NCAPG: variants seen among roughly 807,000 people sequenced by gnomAD.
The protein encoded by NCAPG is condensin complex subunit 3.
In NCAPG, 69 loss-of-function variants were observed where a neutral mutation model predicts 113.1. The ratio of observed to expected loss-of-function variants is 0.61; its 90% CI spans 0.50 to 0.75. NCAPG has a LOEUF of 0.75. Ranked by LOEUF, NCAPG falls within the 30% of genes least tolerant of loss-of-function variation. The pLI is 0.00. For missense variants in NCAPG, 1,058 were observed against 1,177.0 expected (o/e 0.90, Z 1.48); for synonymous variants, 370 against 415.8 (o/e 0.89, Z 1.34).
At chr4:17,829,587 G>A (rs1236820820) in intron 12 of NCAPG, among the ~76,000 whole-genome samples, 1 of 152,132 alleles carries the variant, frequency 6.6e-6, no homozygotes, top group Non-Finnish European at 1.5e-5. Flanking sequence ...ACACAAAATT[G>A]AATGATCATA....
intron 9 of NCAPG, among the ~76,000 whole-genome samples, chr4:17,824,294 TA>T (rs1177598828): frequency 1.3e-4 from 20 of 152,184 alleles, no homozygotes; most frequent in Admixed American, 1.2e-3. Context: ...ATTTCAGTGT[TA>T]TTTTTTTCTG....
At position 17,811,178 on chromosome 4, in the gene NCAPG, C is replaced by A; in HGVS notation, c.101C>A (p.Thr34Asn). The change falls in exon 1 of 21, where the codon ACC (threonine) becomes AAC (asparagine). Residue 34 changes from threonine (T) to asparagine (N), a missense_variant. Coordinates refer to ENST00000251496, the MANE Select transcript of NCAPG (RefSeq NM_022346.5). This position sits in a 1 kb window ranked among gnomAD's most constrained non-coding sequence, Gnocchi z 5.3. ...QAKLVVALSR[T>N]YRTMDDKTVF... ...AAGCTGGTGGTGGCGCTGAGCCGCACCTACCGCACGGTAAGCGCTCCCGGC... is the reference window on the plus strand; with the variant it reads ...AAGCTGGTGGTGGCGCTGAGCCGCAACTACCGCACGGTAAGCGCTCCCGGC... 2 of 1,487,986 alleles carry A rather than the reference C, an allele frequency of 1.3e-6. No individual in the cohort carries two copies. Among genetic ancestry groups the A allele is most frequent in the Non-Finnish European group, 1.8e-6 (2 of 1,114,278 alleles). The allele number at this position is 1,487,986 out of a possible 1,614,324, so 92.2% of individuals were successfully genotyped here.
chr4:17,816,361 G>A (rs1721211324), intron 5 of NCAPG, among the ~76,000 whole-genome samples: 1 of 152,166 alleles, frequency 6.6e-6, no homozygotes, highest in African/African-American at 2.4e-5. Flanking sequence ...CTCCTCCTGT[G>A]CGGCCCGGTT....
intron 7 of NCAPG, among the ~76,000 whole-genome samples, 171 bp from the exon 8 acceptor site, chr4:17,822,812 A>G (rs1344641040): frequency 6.6e-6 from 1 of 152,208 alleles, no homozygotes; most frequent in African/African-American, 2.4e-5. Flanking sequence ...TTTGTTTGCA[A>G]AAGTTAATGA....
intron 5 of NCAPG, among the ~76,000 whole-genome samples, chr4:17,816,444 A>G (rs186773542): frequency 1.3e-4 from 20 of 152,250 alleles, no homozygotes; most frequent in Non-Finnish European, 2.2e-4. Context: ...GCTTATAGGA[A>G]TGATATTTTT....
Position 17,813,086 on chromosome 4 carries a change from C to T in NCAPG, c.485C>T (p.Ala162Val), listed in dbSNP as rs376461891. Residue 162 changes from alanine (A) to valine (V), a missense_variant, in exon 3 of 21, where the codon GCA (alanine) becomes GTA (valine). Transcript: ENST00000251496. ...KDKIPNVRIQ[A>V]VLALSRLQDP... ...AAGATTCCAAATGTGAGAATACAGG[C>T]AGTTCTGGCGCTTTCACGACTTCAG... The T allele has an allele frequency of 5.6e-6, 9 of 1,614,038 alleles. No individual in the cohort carries two copies. The highest frequency in any genetic ancestry group is 1.3e-5 in the African/African-American group (1 of 75,030).
At chr4:17,832,619 C>A (rs910161044) in intron 13 of NCAPG, among the ~76,000 whole-genome samples, 2 of 151,972 alleles carry the variant, frequency 1.3e-5, no homozygotes, top group African/African-American at 4.8e-5. Flanking sequence ...GGGAGAGGTC[C>A]AAGATGGTGA....
chr4:17,823,370 AGT>A (rs1057424348), intron 8 of NCAPG, among the ~76,000 whole-genome samples: 1 of 152,166 alleles, frequency 6.6e-6, no homozygotes, highest in Non-Finnish European at 1.5e-5. Flanking sequence ...TATTAAGGCT[AGT>A]AGCATTTTCT....
intron 8 of NCAPG, 79 bp downstream of exon 8, chr4:17,823,202 C>T (rs1721529734): frequency 7.4e-7 from 1 of 1,357,516 alleles, no homozygotes; most frequent in Non-Finnish European, 1.0e-6. Flanking sequence ...TACAATATAA[C>T]TAAACATATT....
intron 7 of NCAPG, among the ~76,000 whole-genome samples, chr4:17,818,343 T>C (rs1264227790): frequency 3.3e-5 from 5 of 152,146 alleles, no homozygotes; most frequent in Admixed American, 3.3e-4. Context: ...TGCATAAAGT[T>C]GATGATGATG....
chr4:17,834,434 A>T lies in NCAPG; in HGVS notation c.2020A>T (p.Ser674Cys). ...TCATTGTGAAGGTACAGAAATAAACAGTGATGATGAGCAAGAATCAAAAGA... is the reference window on the plus strand; with the variant it reads ...TCATTGTGAAGGTACAGAAATAAACTGTGATGATGAGCAAGAATCAAAAGA... ...TLHCEGTEIN[S>C]DDEQESKEVE... The change falls in exon 14 of 21, where the codon AGT becomes TGT. Residue 674 changes from serine to cysteine, a missense_variant. Coordinates refer to ENST00000251496, the MANE Select transcript of NCAPG (RefSeq NM_022346.5). 1 of 1,611,716 alleles carries T rather than the reference A, an allele frequency of 6.2e-7. No homozygotes were observed. Among genetic ancestry groups the T allele is most frequent in the Non-Finnish European group, 8.5e-7 (1 of 1,178,768 alleles).
At position 17,840,608 on chromosome 4, in the gene NCAPG, A is replaced by T; in HGVS notation, c.2769A>T (p.Glu923Asp). 1 of 1,459,324 alleles carries T rather than the reference A, an allele frequency of 6.9e-7. No homozygotes were observed. The highest frequency in any genetic ancestry group is 9.1e-7 in the Non-Finnish European group (1 of 1,100,106). The allele number at this position is 1,459,324 out of a possible 1,614,324, so 90.4% of individuals were successfully genotyped here. ...TTGTTGTATTATTCCCTTTAATAGA[A>T]AAGAATAAAGAAGTATATATGACTC... ...LTTTTFQNEDEKNKEVYMTPL... is the reference protein window; with the variant it reads ...LTTTTFQNEDDKNKEVYMTPL... Residue 923 changes from glutamate to aspartate, a missense_variant and splice_region_variant, in exon 19 of 21, where the codon GAA becomes GAT. Physicochemically the swap from Glu to Asp is conservative, Grantham distance 45 (BLOSUM62 2). Coordinates refer to ENST00000251496, the MANE Select transcript of NCAPG (RefSeq NM_022346.5).
intron 9 of NCAPG, among the ~76,000 whole-genome samples, chr4:17,824,218 AT>A (rs1209122596): frequency 5.9e-5 from 9 of 152,136 alleles, no homozygotes; most frequent in African/African-American, 2.2e-4. Flanking sequence ...TCAATGAGGT[AT>A]TGTTCATAAA....
intron 7 of NCAPG, among the ~76,000 whole-genome samples, chr4:17,821,904 G>A (rs1219490223): frequency 6.6e-6 from 1 of 152,148 alleles, no homozygotes; most frequent in Non-Finnish European, 1.5e-5. Context: ...ACAAAAAGCA[G>A]AGGCTACTGA....
chr4:17,821,457 CTTT>C (rs34483824), intron 7 of NCAPG, among the ~76,000 whole-genome samples: 26 of 104,470 alleles, frequency 2.5e-4, no homozygotes, highest in Admixed American at 5.4e-4. Flanking sequence ...TCACCCCCGC[CTTT>C]TTTTTTTTTT....
chr4:17,814,801 G>A, intron 3 of NCAPG, 52 bp from the exon 4 acceptor site: 3 of 1,534,934 alleles, frequency 2.0e-6, no homozygotes, highest in Admixed American at 1.7e-5. Context: ...TTTTATGACT[G>A]TAGTTAAATA....
At chr4:17,818,312 A>G (rs1310693796) in intron 7 of NCAPG, among the ~76,000 whole-genome samples, 1 of 152,174 alleles carries the variant, frequency 6.6e-6, no homozygotes, top group Non-Finnish European at 1.5e-5. Context: ...AAAACTGTTA[A>G]GATATGATTA....
Position 17,840,695 on chromosome 4 carries a change from T to G in NCAPG, c.2854+2T>G. On this transcript the variant is annotated splice_donor_variant, in intron 19 of 20. Transcript: ENST00000251496. LOFTEE classifies it high-confidence loss of function. Reference sequence around the variant, plus strand: ...CTACTCAGCTAAAGACTAACAGAGGTAGTGTGTGGATTGACCATCTTTATG... The same window carrying G: ...CTACTCAGCTAAAGACTAACAGAGGGAGTGTGTGGATTGACCATCTTTATG... 5 of 1,504,548 alleles carry G rather than the reference T, an allele frequency of 3.3e-6. No homozygotes were observed. The highest frequency in any genetic ancestry group is 4.4e-6 in the Non-Finnish European group (5 of 1,128,034). The allele number at this position is 1,504,548 out of a possible 1,614,324, so 93.2% of individuals were successfully genotyped here. A position where few individuals can be genotyped will look rare whatever the true frequency, so the allele number is the denominator to read the frequency against.
At chr4:17,829,629 G>T (rs1319652934) in intron 12 of NCAPG, among the ~76,000 whole-genome samples, 2 of 152,178 alleles carry the variant, frequency 1.3e-5, no homozygotes, top group Admixed American at 6.5e-5. Context: ...TCTGGTTAAA[G>T]ATTGAAAGAG....
Sources: allele counts gnomAD v4.1 joint callset (sites outside exome capture counted in the v4.1 genomes callset), GRCh38; gene constraint gnomAD v4.1.1; non-coding constraint Gnocchi (gnomAD v3.1); transcripts MANE v1.5; gene names NCBI Gene and HGNC (gene_info 2026-07-23, HGNC 2026-07-21).